Variants in MAGOH observed in about 807,000 individuals in gnomAD.
The protein encoded by MAGOH is protein mago nashi homolog.
A neutral mutation model predicts 20.9 loss-of-function variants in MAGOH; 3 were observed. The observed-to-expected ratio is 0.14, with a 90% confidence interval of 0.07 to 0.37. The LOEUF (loss-of-function observed/expected upper bound fraction) is 0.37, where lower values mean the gene tolerates loss of function less well. MAGOH is among the 10% of genes least tolerant of loss of function. The pLI, the probability that MAGOH is intolerant of heterozygous loss-of-function variation, is 1.00. For missense variants in MAGOH, 66 were observed against 178.1 expected, an observed-to-expected ratio of 0.37 and a Z score of 3.58; for synonymous variants, 51 against 61.0, an observed-to-expected ratio of 0.84 and a Z score of 0.76.
intron 1 of MAGOH, 27 bp from the exon 2 acceptor site, chr1:53,235,662 G>C: frequency 6.3e-7 from 1 of 1,588,004 alleles, no homozygotes; most frequent in South Asian, 1.1e-5. Context: ...CAATTTCAAC[G>C]TATAATAAAA....
Position 53,238,504 on chromosome 1 carries a change from T to A in MAGOH, c.-56A>T. ...CCAAGAGCAAGCCGCACTGCCGCCG[T>A]CTGCGCCCGACACTGACGTTTGCGG... On this transcript the variant is annotated 5_prime_UTR_variant, in exon 1 of 5. Coordinates refer to ENST00000371470, the MANE Select transcript of MAGOH (RefSeq NM_002370.4). The A allele has an allele frequency of 6.6e-7, 1 of 1,506,310 alleles. No individual in the cohort carries two copies. The highest frequency in any genetic ancestry group is 9.2e-7 in the Non-Finnish European group (1 of 1,081,954). 93.3% of individuals were successfully genotyped at this position (1,506,310 alleles called of 1,614,324 possible). A position where few individuals can be genotyped will look rare whatever the true frequency, so the allele number is the denominator to read the frequency against.
At chr1:53,230,975 T>G (rs1001657486) in intron 3 of MAGOH, among the ~76,000 whole-genome samples, 5 of 152,228 alleles carry the variant, frequency 3.3e-5, no homozygotes, top group Non-Finnish European at 5.9e-5. Flanking sequence ...CTTGTACATG[T>G]GAATATGTCT....
At chr1:53,233,483 G>C in intron 3 of MAGOH, 59 bp downstream of exon 3, 2 of 1,137,484 alleles carry the variant, frequency 1.8e-6, no homozygotes, top group Non-Finnish European at 2.6e-6. Flanking sequence ...GTGGAGGAGG[G>C]AGTGTGGGGG....
rs71579963 is a variant in MAGOH at position 53,234,373 on chromosome 1, C to CTT, written c.148-723_148-722dup. On this transcript the variant is annotated intron_variant, in intron 2 of 4. Transcript: ENST00000371470. ...GCGACACCCACATGCCCTGGTTATT[C>CTT]TTTTTTTTTTTTTTTTTTGAAACGG... Among the ~76,000 whole-genome samples the CTT allele has an allele frequency of 5.4e-3, 716 of 132,668 alleles. 5 individuals are homozygous for CTT. The highest frequency in any genetic ancestry group is 0.016 in the East Asian group (73 of 4,550). 87.0% of individuals were successfully genotyped at this position (132,668 alleles called of 152,430 possible).
In MAGOH at chr1:53,235,644, GC is replaced by G. The variant is rs771523909; in HGVS notation, c.89-10del. On this transcript the variant is annotated splice_polypyrimidine_tract_variant and intron_variant, in intron 1 of 4. Transcript: ENST00000371470. ...GGCATATCTTAACTTCCCTGTGGGG[GC>G]AAAAAACAATTTCAACGTATAATAA... 3 of 1,609,650 alleles carry G rather than the reference GC, an allele frequency of 1.9e-6. No individual in the cohort carries two copies. The highest frequency in any genetic ancestry group is 2.5e-6 in the Non-Finnish European group (3 of 1,177,290).
At chr1:53,227,888 A>C (rs1645567965) in intron 4 of MAGOH, among the ~76,000 whole-genome samples, 1 of 152,170 alleles carries the variant, frequency 6.6e-6, no homozygotes, top group South Asian at 2.1e-4. Flanking sequence ...CAGGACCAAG[A>C]GGTTGAAGAT....
chr1:53,227,262 T>C, intron 4 of MAGOH, 118 bp from the exon 5 acceptor site: 1 of 494,884 alleles, frequency 2.0e-6, no homozygotes, highest in Non-Finnish European at 3.6e-6. Flanking sequence ...ATATGCTGAG[T>C]TTTTAATATA....
chr1:53,231,662 T>C (rs1645587496), intron 3 of MAGOH, among the ~76,000 whole-genome samples: 5 of 152,172 alleles, frequency 3.3e-5, no homozygotes, highest in Non-Finnish European at 7.4e-5. Context: ...TCTGTTCCAT[T>C]GGTTTAGCTG....
intron 1 of MAGOH, 31 bp downstream of exon 1, chr1:53,238,330 C>G (rs752136855): frequency 1.6e-5 from 25 of 1,612,276 alleles, no homozygotes; most frequent in Non-Finnish European, 1.9e-5. Flanking sequence ...GGCCTGGTCC[C>G]CGCTCCCGGC....
chr1:53,237,673 CAAAAAAAAAA>C (rs1231950502), intron 1 of MAGOH, among the ~76,000 whole-genome samples: 1 of 55,340 alleles, frequency 1.8e-5, no homozygotes, highest in East Asian at 6.8e-4. Context: ...AAAGCCGTCT[CAAAAAAAAAA>C]AAAAAAAAAA....
Position 53,226,914 on chromosome 1 carries a change from A to C in MAGOH, c.*131T>G. 1 of 612,236 alleles carries C rather than the reference A, an allele frequency of 1.6e-6. No individual in the cohort carries two copies. The highest frequency in any genetic ancestry group is 2.9e-6 in the Non-Finnish European group (1 of 346,716). The allele number at this position is 612,236 out of a possible 1,614,324, so 37.9% of individuals were successfully genotyped here. A position where few individuals can be genotyped will look rare whatever the true frequency, so the allele number is the denominator to read the frequency against. ...GAGTTCACATGTTCAGGTCTTTATAAAATAATAAAAATTGGATTTTATCAC... is the reference window on the plus strand; with the variant it reads ...GAGTTCACATGTTCAGGTCTTTATACAATAATAAAAATTGGATTTTATCAC... On this transcript the variant is annotated 3_prime_UTR_variant, in exon 5 of 5. Coordinates refer to ENST00000371470, the MANE Select transcript of MAGOH (RefSeq NM_002370.4).
chr1:53,232,617 G>A (rs1242062759), intron 3 of MAGOH, among the ~76,000 whole-genome samples: 1 of 152,196 alleles, frequency 6.6e-6, no homozygotes, highest in East Asian at 1.9e-4. Flanking sequence ...GGCGGAATGT[G>A]GCAAGTGCAA....
At chr1:53,230,833 A>G (rs376697582) in intron 3 of MAGOH, among the ~76,000 whole-genome samples, 1 of 152,234 alleles carries the variant, frequency 6.6e-6, no homozygotes, top group Non-Finnish European at 1.5e-5. Flanking sequence ...AGATTTATCA[A>G]TGTTGAGTTA....
chr1:53,229,575 T>G (rs1645576354), intron 3 of MAGOH, among the ~76,000 whole-genome samples: 1 of 152,174 alleles, frequency 6.6e-6, no homozygotes, highest in Admixed American at 6.5e-5. Context: ...TGTATGAGTT[T>G]TCATTGTCAA....
intron 4 of MAGOH, among the ~76,000 whole-genome samples, chr1:53,228,652 A>G (rs1645572121): frequency 6.6e-6 from 1 of 152,158 alleles, no homozygotes; most frequent in African/African-American, 2.4e-5. Context: ...GTGTGTCAAC[A>G]AGAAGCTCGC....
intron 1 of MAGOH, among the ~76,000 whole-genome samples, chr1:53,236,102 A>T (rs1645608894): frequency 6.6e-6 from 1 of 152,244 alleles, no homozygotes; most frequent in Admixed American, 6.5e-5. Context: ...TTTATCACTG[A>T]GCACATTTGG....
At chr1:53,229,149 G>A (rs1277565782) in intron 3 of MAGOH, among the ~76,000 whole-genome samples, 195 bp from the exon 4 acceptor site, 1 of 151,132 alleles carries the variant, frequency 6.6e-6, no homozygotes. Context: ...AGAAGAAGTT[G>A]TACCCTTAAG....
intron 3 of MAGOH, 78 bp downstream of exon 3, chr1:53,233,464 A>G: frequency 1.1e-6 from 1 of 941,040 alleles, no homozygotes; most frequent in South Asian, 1.5e-5. Flanking sequence ...TAGGCAACAA[A>G]AGCTTTAAGT....
chr1:53,230,299 G>GT (rs1200567216), intron 3 of MAGOH, among the ~76,000 whole-genome samples: 9 of 152,042 alleles, frequency 5.9e-5, no homozygotes, highest in Middle Eastern at 3.2e-3. Flanking sequence ...TGCCATACTT[G>GT]TGTCAGATTT....
Sources: allele counts gnomAD v4.1 joint callset (sites outside exome capture counted in the v4.1 genomes callset), GRCh38; gene constraint gnomAD v4.1.1; transcripts MANE v1.5; gene names NCBI Gene and HGNC (gene_info 2026-07-23, HGNC 2026-07-21).